Variants in FBH1 observed in about 807,000 individuals in gnomAD.
FBH1 encodes the protein F-box DNA helicase 1.
In FBH1, 43 loss-of-function variants were observed where a neutral mutation model predicts 115.5. The observed-to-expected ratio is 0.37, with a 90% CI of 0.29 to 0.48. FBH1 has a LOEUF of 0.48. FBH1 is among the 20% of genes least tolerant of loss of function. The pLI, the probability that FBH1 is intolerant of heterozygous loss-of-function variation, is 0.99. For missense variants in FBH1, 1,001 were observed against 1,337.3 expected (o/e 0.75, Z 3.92); for synonymous variants, 524 against 507.8 (o/e 1.03, Z -0.43).
chr10:5,902,047 A>T (rs1843378313), intron 1 of FBH1, among the ~76,000 whole-genome samples: 1 of 152,248 alleles, frequency 6.6e-6, no homozygotes, highest in Non-Finnish European at 1.5e-5. Context: ...TTGAAACAAA[A>T]TTCTAGGCGC....
At chr10:5,908,849 G>A (rs1589071172) in intron 3 of FBH1, 76 bp from the exon 4 acceptor site, 6 of 1,524,910 alleles carry the variant, frequency 3.9e-6, no homozygotes, top group African/African-American at 2.7e-5. Flanking sequence ...GACCTCAGGC[G>A]ATCTGCCCGC....
In FBH1 at chr10:5,924,256, C is replaced by G; in HGVS notation, c.2399-55C>G. ...CTGCTTAGGAACGTGCAGCACCTGCCACCATCTGTTAGTGGAGCTTGTGTC... is the reference window on the plus strand; with the variant it reads ...CTGCTTAGGAACGTGCAGCACCTGCGACCATCTGTTAGTGGAGCTTGTGTC... On this transcript the variant is annotated intron_variant, in intron 16 of 20. Coordinates refer to ENST00000362091, the MANE Select transcript of FBH1 (RefSeq NM_178150.3). This position sits in a 1 kb window ranked among gnomAD's most constrained non-coding sequence, Gnocchi z 6.2. 1.3e-6 allele frequency: 2 copies of G among 1,574,832 alleles called. No individual in the cohort carries two copies. The highest frequency in any genetic ancestry group is 1.3e-5 in the African/African-American group (1 of 74,210).
In FBH1 at chr10:5,923,685, A is replaced by C; in HGVS notation, c.2387A>C (p.Glu796Ala). ...TGGATCCTTCTTCAGCCAGAGGAAGAACGGAGGAAACGTGAGTACCCACCT... is the reference window on the plus strand; with the variant it reads ...TGGATCCTTCTTCAGCCAGAGGAAGCACGGAGGAAACGTGAGTACCCACCT... ...DIWILLQPEEERRKQNLVIKD... is the reference protein window; with the variant it reads ...DIWILLQPEEARRKQNLVIKD... Residue 796 changes from glutamate (E) to alanine (A), a missense_variant, in exon 16 of 21, where the codon GAA (glutamate) becomes GCA (alanine). By Grantham distance (107) the Glu-to-Ala change is moderately radical. This residue lies in a region of FBH1 where 521 missense variants were observed against 811.0 expected (regional missense o/e 0.64). Transcript: ENST00000362091. This position sits in a 1 kb window ranked among gnomAD's most constrained non-coding sequence, Gnocchi z 5.7. 6.2e-7 allele frequency: 1 copy of C among 1,614,154 alleles called. No individual in the cohort carries two copies. Among genetic ancestry groups the C allele is most frequent in the Non-Finnish European group, 8.5e-7 (1 of 1,179,962 alleles).
rs947259409 is a variant in FBH1 at position 5,915,776 on chromosome 10, C to T, written c.1565+205C>T. 2.1e-5 allele frequency: 12 copies of T among 570,666 alleles called. No homozygotes were observed. The highest frequency in any genetic ancestry group is 1.3e-4 in the African/African-American group (7 of 53,246). 35.4% of individuals were successfully genotyped at this position (570,666 alleles called of 1,614,324 possible). ...GCAACATATTGTTTACATATAATGC[C>T]GTCTTGCCAAGAGGGGTGTTCTCAT... On this transcript the variant is annotated intron_variant, in intron 9 of 20. Transcript: ENST00000362091. This position sits in a 1 kb window ranked among gnomAD's most constrained non-coding sequence, Gnocchi z 5.2.
At position 5,925,564 on chromosome 10, in the gene FBH1, G is replaced by A. The variant is rs1397103351; in HGVS notation, c.2722+72G>A. 14 of 1,584,000 alleles carry A rather than the reference G, an allele frequency of 8.8e-6. No homozygotes were observed. The East Asian group carries it at 9.0e-5, about 10-fold the overall frequency. ...GGTGACTGGAATGCTTCCTTTGCAC[G>A]GCCTTGTTGTTTGTTGGATGGTGTG... On this transcript the variant is annotated intron_variant, in intron 18 of 20. Coordinates refer to ENST00000362091, the MANE Select transcript of FBH1 (RefSeq NM_178150.3). The surrounding 1 kb of genome is among the most constrained non-coding windows in gnomAD (Gnocchi z 4.6).
rs921724277 is a variant in FBH1, at chr10:5,897,655, C to T, written c.2-5365C>T. Among the ~76,000 whole-genome samples the T allele has an allele frequency of 3.1e-4, 47 of 152,276 alleles. No homozygotes were observed. Among genetic ancestry groups the T allele is most frequent in the African/African-American group, 1.1e-3 (46 of 41,550 alleles). On this transcript the variant is annotated intron_variant, in intron 1 of 20. Coordinates refer to ENST00000362091, the MANE Select transcript of FBH1 (RefSeq NM_178150.3). The surrounding 1 kb of genome is among the most constrained non-coding windows in gnomAD (Gnocchi z 4.7). ...GTTATATAGGTTACTTATCTTAGTG[C>T]ACAGAGGCCAGATCACCAGTCTAAG...
In FBH1 at chr10:5,923,501, C is replaced by A; in HGVS notation, c.2323-120C>A. On this transcript the variant is annotated intron_variant, in intron 15 of 20. Coordinates refer to ENST00000362091, the MANE Select transcript of FBH1 (RefSeq NM_178150.3). The surrounding 1 kb of genome is among the most constrained non-coding windows in gnomAD (Gnocchi z 5.7). The stretch of plus-strand genomic sequence containing the variant: ...TCACTCAAGATCCATTTCCAAGAAA[C>A]CATCTCATTTCAAAACCCCATCCCT... 2.7e-6 allele frequency: 2 copies of A among 742,782 alleles called. No individual in the cohort carries two copies. Among genetic ancestry groups the A allele is most frequent in the Non-Finnish European group, 4.4e-6 (2 of 458,554 alleles). 46.0% of individuals were successfully genotyped at this position (742,782 alleles called of 1,614,324 possible). A position where few individuals can be genotyped will look rare whatever the true frequency, so the allele number is the denominator to read the frequency against.
chr10:5,906,674 AC>A lies in FBH1; in HGVS notation c.753+43del. 6.6e-7 allele frequency: 1 copy of A among 1,513,360 alleles called. No individual in the cohort carries two copies. The highest frequency in any genetic ancestry group is 1.4e-5 in the African/African-American group (1 of 72,510). 93.7% of individuals were successfully genotyped at this position (1,513,360 alleles called of 1,614,324 possible). Reference sequence around the variant, plus strand: ...GTCGGGAGATGTTTCCTCTAAAAGCACGTAACTTTGCTTAATGCACGCTTAT... The same window carrying A: ...GTCGGGAGATGTTTCCTCTAAAAGCAGTAACTTTGCTTAATGCACGCTTAT... On this transcript the variant is annotated intron_variant, in intron 3 of 20. Transcript: ENST00000362091. This position sits in a 1 kb window ranked among gnomAD's most constrained non-coding sequence, Gnocchi z 7.3.
At position 5,910,787 on chromosome 10, in the gene FBH1, C is replaced by A; in HGVS notation, c.1021-151C>A. 1.6e-6 allele frequency: 1 copy of A among 643,498 alleles called. No homozygotes were observed. The highest frequency in any genetic ancestry group is 2.0e-5 in the South Asian group (1 of 49,208). The allele number at this position is 643,498 out of a possible 1,614,324, so 39.9% of individuals were successfully genotyped here. ...CGAACAGAAGGGCTCCCCTGTTTCC[C>A]AAATACAACTTGGAAAGTTTGGATT... On this transcript the variant is annotated intron_variant, in intron 5 of 20. Coordinates refer to ENST00000362091, the MANE Select transcript of FBH1 (RefSeq NM_178150.3). The surrounding 1 kb of genome is among the most constrained non-coding windows in gnomAD (Gnocchi z 4.8).
chr10:5,896,367 G>A (rs1001662955), intron 1 of FBH1, among the ~76,000 whole-genome samples: 1 of 152,108 alleles, frequency 6.6e-6, no homozygotes. Context: ...GGAATTGCTG[G>A]GGTAGGGCTA....
chr10:5,901,857 C>G (rs926434581), intron 1 of FBH1, among the ~76,000 whole-genome samples: 3 of 152,174 alleles, frequency 2.0e-5, no homozygotes. Context: ...AGCCACTGCA[C>G]CTGACCTAAT....
chr10:5,927,482 C>T lies in FBH1; in HGVS notation c.2770C>T (p.Arg924Ter), dbSNP rs764461365. The change falls in exon 19 of 21, where the codon CGA (arginine) becomes TGA (stop). Residue 924 changes from arginine to a stop codon, truncating the protein, a stop_gained. Coordinates refer to ENST00000362091, the MANE Select transcript of FBH1 (RefSeq NM_178150.3). LOFTEE classifies it high-confidence loss of function. ...GAATTTACTGTATGTTGCAGTAACT[C>T]GAGCCAAGAAGCGTCTCATCATGAC... ...EWNLLYVAVT[R>*]AKKRLIMTKS... 1 of 1,613,726 alleles carries T rather than the reference C, an allele frequency of 6.2e-7. No individual in the cohort carries two copies. The highest frequency in any genetic ancestry group is 1.1e-5 in the South Asian group (1 of 90,978).
intron 3 of FBH1, 100 bp from the exon 4 acceptor site, chr10:5,908,825 A>T: frequency 2.3e-6 from 3 of 1,302,634 alleles, no homozygotes; most frequent in Non-Finnish European, 3.2e-6. Flanking sequence ...TGGCCATGCT[A>T]GTCTCAAACT....
intron 2 of FBH1, among the ~76,000 whole-genome samples, chr10:5,905,721 TG>T: frequency 6.6e-6 from 1 of 152,140 alleles, no homozygotes; most frequent in Admixed American, 6.5e-5. Flanking sequence ...ACCTCCTTTT[TG>T]TCTGTCCATT....
Position 5,906,770 on chromosome 10 carries a change from T to A in FBH1, c.753+138T>A. The A allele has an allele frequency of 1.5e-6, 1 of 683,684 alleles. No individual in the cohort carries two copies. Among genetic ancestry groups the A allele is most frequent in the Non-Finnish European group, 2.4e-6 (1 of 412,272 alleles). 42.4% of individuals were successfully genotyped at this position (683,684 alleles called of 1,614,324 possible). On this transcript the variant is annotated intron_variant, in intron 3 of 20. Coordinates refer to ENST00000362091, the MANE Select transcript of FBH1 (RefSeq NM_178150.3). This position sits in a 1 kb window ranked among gnomAD's most constrained non-coding sequence, Gnocchi z 7.3. Reference sequence around the variant, plus strand: ...GACATTCAGACTCCTTAGAGGCATTTAAGGCCTTCCGTGTCTGCCCCACCC... The same window carrying A: ...GACATTCAGACTCCTTAGAGGCATTAAAGGCCTTCCGTGTCTGCCCCACCC...
rs749452556 is a variant in FBH1 at position 5,918,530 on chromosome 10, C to A, written c.2100+52C>A. The A allele has an allele frequency of 1.3e-6, 2 of 1,499,598 alleles. No individual in the cohort carries two copies. Among genetic ancestry groups the A allele is most frequent in the East Asian group, 2.5e-5 (1 of 39,734 alleles). The allele number at this position is 1,499,598 out of a possible 1,614,324, so 92.9% of individuals were successfully genotyped here. A position where few individuals can be genotyped will look rare whatever the true frequency, so the allele number is the denominator to read the frequency against. On this transcript the variant is annotated intron_variant, in intron 13 of 20. Coordinates refer to ENST00000362091, the MANE Select transcript of FBH1 (RefSeq NM_178150.3). This position sits in a 1 kb window ranked among gnomAD's most constrained non-coding sequence, Gnocchi z 4.0. ...ATTGCATCTCTCTCCCAATGTCTTA[C>A]GTGCCAGGCCCTGTGAAAGGTGGTA...
chr10:5,934,333 T>G (rs1833172417), intron 19 of FBH1: 1 of 152,066 alleles, frequency 6.6e-6, no homozygotes, highest in Non-Finnish European at 1.5e-5. Flanking sequence ...GTTGAGGTGT[T>G]AAGTGACATG....
At chr10:5,927,702 T>C (rs1832735071) in intron 19 of FBH1, among the ~76,000 whole-genome samples, 161 bp downstream of exon 19, 5 of 152,142 alleles carry the variant, frequency 3.3e-5, no homozygotes, top group African/African-American at 1.2e-4. Context: ...GTATAAGAAG[T>C]GTTCTAACCA....
rs530895546 is a variant in FBH1, at chr10:5,913,730, A to G, written c.1212-17A>G. ...CTTGAATTTGAGACTTTCTAAATCT[A>G]CTTTTTTTTCTGGTAGGATTCACTA... On this transcript the variant is annotated splice_polypyrimidine_tract_variant and intron_variant, in intron 6 of 20. Coordinates refer to ENST00000362091, the MANE Select transcript of FBH1 (RefSeq NM_178150.3). The surrounding 1 kb of genome is among the most constrained non-coding windows in gnomAD (Gnocchi z 4.4). 7.9e-6 allele frequency: 12 copies of G among 1,515,848 alleles called. No individual in the cohort carries two copies. In the African/African-American group the frequency reaches 1.6e-4, roughly 20 times the overall value. The allele number at this position is 1,515,848 out of a possible 1,614,324, so 93.9% of individuals were successfully genotyped here. A position where few individuals can be genotyped will look rare whatever the true frequency, so the allele number is the denominator to read the frequency against.
Sources: allele counts gnomAD v4.1 joint callset (sites outside exome capture counted in the v4.1 genomes callset), GRCh38; gene constraint gnomAD v4.1.1; regional missense constraint gnomAD v4.1.1; non-coding constraint Gnocchi (gnomAD v3.1); transcripts MANE v1.5; gene names NCBI Gene and HGNC (gene_info 2026-07-23, HGNC 2026-07-21).